The following RUNDC3B variants were observed in gnomAD, a reference collection of about 807,000 sequenced individuals.
RUNDC3B encodes RUN domain containing 3B.
RUNDC3B carries 33 observed loss-of-function variants against 58.4 expected under a neutral mutation model. The ratio of observed to expected loss-of-function variants is 0.56; its 90% confidence interval spans 0.43 to 0.75. The LOEUF (loss-of-function observed/expected upper bound fraction) is 0.75, where lower values mean the gene tolerates loss of function less well. RUNDC3B is among the 30% of genes least tolerant of loss of function. RUNDC3B has a pLI of 0.00. For synonymous variants in RUNDC3B, 193 were observed against 195.2 expected (o/e 0.99, Z 0.10); for missense variants, 501 against 535.7 (o/e 0.94, Z 0.64).
chr7:87,642,403 T>C (rs558624646), intron 1 of RUNDC3B, among the ~76,000 whole-genome samples: 1 of 152,222 alleles, frequency 6.6e-6, no homozygotes, highest in Admixed American at 6.5e-5. Context: ...TGTTAAAGTA[T>C]TCTATTTGAA....
At chr7:87,764,832 G>T (rs944181490) in intron 6 of RUNDC3B, among the ~76,000 whole-genome samples, 1 of 151,872 alleles carries the variant, frequency 6.6e-6, no homozygotes, top group African/African-American at 2.4e-5. Context: ...TGATACATTT[G>T]CTATTGTGAA....
chr7:87,635,746 A>G (rs1407971850), intron 1 of RUNDC3B, among the ~76,000 whole-genome samples: 1 of 152,226 alleles, frequency 6.6e-6, no homozygotes, highest in Non-Finnish European at 1.5e-5. Flanking sequence ...CTGTTCAAAT[A>G]TCAAGACCTC....
At chr7:87,730,228 G>C (rs774663272) in intron 4 of RUNDC3B, among the ~76,000 whole-genome samples, 6 of 152,150 alleles carry the variant, frequency 3.9e-5, no homozygotes, top group Non-Finnish European at 8.8e-5. Context: ...CTTTGTCTTA[G>C]AGATTAGTTC....
intron 4 of RUNDC3B, among the ~76,000 whole-genome samples, chr7:87,732,382 A>G (rs1831636097): frequency 6.6e-6 from 1 of 152,200 alleles, no homozygotes; most frequent in Non-Finnish European, 1.5e-5. Context: ...AAAATCAGTA[A>G]AGGAAAGAAA....
At chr7:87,736,838 T>C (rs1209128880) in intron 4 of RUNDC3B, among the ~76,000 whole-genome samples, 11 of 139,068 alleles carry the variant, frequency 7.9e-5, no homozygotes, top group Admixed American at 2.3e-4. Context: ...TATATATGTA[T>C]GTGTGTATAT....
At chr7:87,821,690 G>C (rs915913362) in intron 10 of RUNDC3B, among the ~76,000 whole-genome samples, 3 of 152,156 alleles carry the variant, frequency 2.0e-5, no homozygotes, top group African/African-American at 2.4e-5. Flanking sequence ...TACCAAAACA[G>C]AGATATAGAT....
At chr7:87,806,435 T>A (rs550256114) in intron 8 of RUNDC3B, among the ~76,000 whole-genome samples, 3 of 152,156 alleles carry the variant, frequency 2.0e-5, no homozygotes, top group Non-Finnish European at 2.9e-5. Flanking sequence ...TGCTTCTGAA[T>A]TGATGGCTCA....
intron 7 of RUNDC3B, among the ~76,000 whole-genome samples, chr7:87,773,745 T>G (rs1020992638): frequency 1.3e-5 from 2 of 152,068 alleles, no homozygotes; most frequent in Non-Finnish European, 1.5e-5. Flanking sequence ...TGGCGCGATC[T>G]TGGCTCACTG....
At position 87,694,078 on chromosome 7, in the gene RUNDC3B, G is replaced by A. The variant is rs1038389695; in HGVS notation, c.239-6343G>A. On this transcript the variant is annotated intron_variant, in intron 2 of 10. Coordinates refer to ENST00000394654, the MANE Select transcript of RUNDC3B (RefSeq NM_001134405.2). The stretch of plus-strand genomic sequence containing the variant: ...TAGTACATTGCATGGGTTTTGTAAA[G>A]CCTTCTTTTTTGTGTGTTTTTGTTT... 4.0e-6 allele frequency: 6 copies of A among 1,512,600 alleles called. No individual in the cohort carries two copies. In the East Asian group the frequency reaches 7.3e-5, roughly 19 times the overall value. The allele number at this position is 1,512,600 out of a possible 1,614,324, so 93.7% of individuals were successfully genotyped here.
Position 87,830,253 on chromosome 7 carries a change from A to G in RUNDC3B, c.*223A>G. 1 of 330,244 alleles carries G rather than the reference A, an allele frequency of 3.0e-6. No homozygotes were observed. The highest frequency in any genetic ancestry group is 5.4e-6 in the Non-Finnish European group (1 of 183,734). 20.5% of individuals were successfully genotyped at this position (330,244 alleles called of 1,614,324 possible). On this transcript the variant is annotated 3_prime_UTR_variant, in exon 11 of 11. Transcript: ENST00000394654. ...ACATTTGTCATTGAGAAAGTTCAAA[A>G]TGGAATAGGCTTTAAAAAAAAAAAA... is the stretch of plus-strand genomic sequence containing the variant.
intron 1 of RUNDC3B, among the ~76,000 whole-genome samples, chr7:87,643,110 C>T (rs1822616013): frequency 6.6e-6 from 1 of 152,134 alleles, no homozygotes; most frequent in Non-Finnish European, 1.5e-5. Flanking sequence ...TAGAGATGGG[C>T]TCTTGCTTTG....
chr7:87,827,692 AT>A (rs1837893746), intron 10 of RUNDC3B, among the ~76,000 whole-genome samples: 1 of 152,210 alleles, frequency 6.6e-6, no homozygotes. Flanking sequence ...AGTTGAAGAC[AT>A]ACTATTCTCA....
At chr7:87,643,406 C>A (rs113932020) in intron 1 of RUNDC3B, among the ~76,000 whole-genome samples, 140 of 152,132 alleles carry the variant, frequency 9.2e-4, no homozygotes, top group South Asian at 1.9e-3. Flanking sequence ...AGTCTGTAGA[C>A]CCCTGCTTAA....
chr7:87,783,674 A>G (rs1835059309), intron 8 of RUNDC3B, among the ~76,000 whole-genome samples: 1 of 152,044 alleles, frequency 6.6e-6, no homozygotes, highest in Admixed American at 6.6e-5. Flanking sequence ...TCCCTCAAGG[A>G]TCTCTTGCAA....
chr7:87,764,055 C>G (rs1480956486), intron 6 of RUNDC3B, among the ~76,000 whole-genome samples: 1 of 151,802 alleles, frequency 6.6e-6, no homozygotes, highest in African/African-American at 2.4e-5. Context: ...TATTTTCTCT[C>G]TCTTCAGTTT....
chr7:87,819,724 C>A (rs370503099), intron 10 of RUNDC3B, among the ~76,000 whole-genome samples: 1 of 151,844 alleles, frequency 6.6e-6, no homozygotes, highest in South Asian at 2.1e-4. Context: ...GAACTCAGGA[C>A]TAAGAAACTC....
chr7:87,703,198 T>C (rs749998078), intron 3 of RUNDC3B, among the ~76,000 whole-genome samples: 9 of 152,170 alleles, frequency 5.9e-5, no homozygotes, highest in Non-Finnish European at 8.8e-5. Flanking sequence ...ATAACAATTA[T>C]CTTTCCAAAT....
chr7:87,736,889 A>ATTTTTTTT, intron 4 of RUNDC3B, among the ~76,000 whole-genome samples: 1 of 28,226 alleles, frequency 3.5e-5, no homozygotes, highest in Non-Finnish European at 5.7e-5. Context: ...ATATATATAT[A>ATTTTTTTT]TTTTTTTTTT....
chr7:87,639,025 G>T (rs549229005), intron 1 of RUNDC3B, among the ~76,000 whole-genome samples: 2 of 152,128 alleles, frequency 1.3e-5, no homozygotes, highest in African/African-American at 4.8e-5. Flanking sequence ...GATGGCAGGC[G>T]CCTGTAGTCC....
Sources: allele counts gnomAD v4.1 joint callset (sites outside exome capture counted in the v4.1 genomes callset), GRCh38; gene constraint gnomAD v4.1.1; transcripts MANE v1.5; gene names NCBI Gene and HGNC (gene_info 2026-07-23, HGNC 2026-07-21).